Variants in ADPRHL1 observed in about 807,000 individuals in gnomAD.
The protein encoded by ADPRHL1 is ADP-ribosylhydrolase like 1, also known as inactive ADP-ribosyltransferase ARH2.
A neutral mutation model predicts 44.1 loss-of-function variants in ADPRHL1; 43 were observed. The observed-to-expected ratio is 0.98, with a 90% confidence interval of 0.76 to 1.26. ADPRHL1 has a LOEUF of 1.26. Ranked by LOEUF, ADPRHL1 falls within the 50% of genes most tolerant of loss-of-function variation. The probability of loss-of-function intolerance (pLI) is 0.00; values close to 1 mark genes in which losing one functional copy is unlikely to be tolerated. For synonymous variants in ADPRHL1, 878 were observed against 1,017.4 expected (o/e 0.86, Z 2.61); for missense variants, 2,022 against 2,496.9 (o/e 0.81, Z 4.05).
chr13:113,442,224 G>A (rs2044104386), intron 2 of ADPRHL1, among the ~76,000 whole-genome samples: 1 of 152,244 alleles, frequency 6.6e-6, no homozygotes, highest in Non-Finnish European at 1.5e-5. Context: ...GGAGGCTAAG[G>A]CAGAAGGGTT....
At chr13:113,418,994 CCCT>C (rs2043900226) in intron 7 of ADPRHL1, among the ~76,000 whole-genome samples, 1 of 139,328 alleles carries the variant, frequency 7.2e-6, no homozygotes, top group African/African-American at 2.8e-5. Context: ...CTCCCTCCCT[CCCT>C]CCCTTCCTCC....
rs2043799636 is a variant in ADPRHL1, at chr13:113,405,329, G to A, written c.3953C>T (p.Pro1318Leu). The change falls in exon 8 of 8, where the codon CCT (proline) becomes CTT (leucine). Residue 1318 changes from proline (P) to leucine (L), a missense_variant. Around this residue, in one of 8 missense-constraint regions of ADPRHL1, gnomAD observed 1,221 missense variants for 1,517.8 expected, o/e 0.80. Coordinates refer to ENST00000612156, the MANE Select transcript of ADPRHL1 (RefSeq NM_001394807.1). ...AEPDHLLPAVPPAEVDMGWVG... is the reference protein window; with the variant it reads ...AEPDHLLPAVLPAEVDMGWVG... The stretch of plus-strand genomic sequence containing the variant: ...CCACCCCATGTCCACCTCCGCGGGA[G>A]GCACTGCGGGAAGCAGATGGTCAGG... 5.7e-6 allele frequency: 7 copies of A among 1,231,716 alleles called. No homozygotes were observed. The highest frequency in any genetic ancestry group is 5.1e-6 in the Non-Finnish European group (5 of 988,068). 76.3% of individuals were successfully genotyped at this position (1,231,716 alleles called of 1,614,324 possible).
At chr13:113,429,182 G>A (rs1226732232) in intron 3 of ADPRHL1, 90 bp from the exon 4 acceptor site, 7 of 1,507,028 alleles carry the variant, frequency 4.6e-6, no homozygotes, top group South Asian at 1.2e-5. Flanking sequence ...GGACTCCCGA[G>A]GAAGGGTTTG....
rs917696392 is a variant in ADPRHL1, at chr13:113,401,231, C to T, written c.*2147G>A. On this transcript the variant is annotated 3_prime_UTR_variant, in exon 8 of 8. Transcript: ENST00000612156. This position sits in a 1 kb window ranked among gnomAD's most constrained non-coding sequence, Gnocchi z 5.5. ...GACAAAGAGGCCACTCTGTCAGCCT[C>T]TGCTGGACCCCTGAGCTCCCCTCTC... 2.0e-5 allele frequency: 3 copies of T among 152,238 alleles called. No homozygotes were observed. The highest frequency in any genetic ancestry group is 7.2e-5 in the African/African-American group (3 of 41,460). 9.4% of individuals were successfully genotyped at this position (152,238 alleles called of 1,614,324 possible).
intron 7 of ADPRHL1, among the ~76,000 whole-genome samples, chr13:113,417,622 T>C (rs1403299502): frequency 1.3e-5 from 2 of 152,244 alleles, no homozygotes; most frequent in African/African-American, 4.8e-5. Flanking sequence ...GCTCGGGGTG[T>C]GGCACACGAA....
Position 113,400,338 on chromosome 13 carries a change from G to T in ADPRHL1, c.*3040C>A, listed in dbSNP as rs1214271813. 6 of 151,424 alleles carry T rather than the reference G, an allele frequency of 4.0e-5. No individual in the cohort carries two copies. The allele number at this position is 151,424 out of a possible 1,614,324, so 9.4% of individuals were successfully genotyped here. ...TTTTTGTATTTTTAGTAGAGACAGGGTTTCACTGTGTTAGCCAGGATGGTC... is the reference window on the plus strand; with the variant it reads ...TTTTTGTATTTTTAGTAGAGACAGGTTTTCACTGTGTTAGCCAGGATGGTC... On this transcript the variant is annotated 3_prime_UTR_variant, in exon 8 of 8. Coordinates refer to ENST00000612156, the MANE Select transcript of ADPRHL1 (RefSeq NM_001394807.1).
intron 3 of ADPRHL1, among the ~76,000 whole-genome samples, chr13:113,429,413 C>T (rs1012545206): frequency 2.6e-5 from 4 of 152,252 alleles, no homozygotes; most frequent in East Asian, 1.9e-4. Context: ...CTCGTGGGAC[C>T]GCACGCGATT....
intron 2 of ADPRHL1, among the ~76,000 whole-genome samples, chr13:113,442,854 C>T (rs550574154): frequency 3.1e-4 from 47 of 152,278 alleles, no homozygotes; most frequent in Non-Finnish European, 6.2e-4. Context: ...GCCCGCGGGT[C>T]GCTGGTCCTC....
intron 4 of ADPRHL1, among the ~76,000 whole-genome samples, chr13:113,428,055 C>A (rs1377072477): frequency 6.6e-6 from 1 of 152,116 alleles, no homozygotes; most frequent in Non-Finnish European, 1.5e-5. Flanking sequence ...GAAGTCAGGG[C>A]GACCTGGTGA....
Position 113,409,293 on chromosome 13 carries a change from C to T in ADPRHL1, c.1062-1073G>A, listed in dbSNP as rs1006118891. ...CCCCATCTGTGGCAGGGGGTGGAGC[C>T]GTCTCTGACCTCCCCAGATGATAAT... On this transcript the variant is annotated intron_variant, in intron 7 of 7. Coordinates refer to ENST00000612156, the MANE Select transcript of ADPRHL1 (RefSeq NM_001394807.1). This position sits in a 1 kb window ranked among gnomAD's most constrained non-coding sequence, Gnocchi z 4.2. 7 of 985,256 alleles carry T rather than the reference C, an allele frequency of 7.1e-6. No individual in the cohort carries two copies. Among genetic ancestry groups the T allele is most frequent in the Admixed American group, 6.1e-5 (1 of 16,266 alleles). 61.0% of individuals were successfully genotyped at this position (985,256 alleles called of 1,614,324 possible). A position where few individuals can be genotyped will look rare whatever the true frequency, so the allele number is the denominator to read the frequency against.
At chr13:113,429,205 C>A in intron 3 of ADPRHL1, 113 bp from the exon 4 acceptor site, 1 of 1,402,874 alleles carries the variant, frequency 7.1e-7, no homozygotes, top group Non-Finnish European at 9.7e-7. Flanking sequence ...CGTTTTCCGT[C>A]TTTCCCATGT....
At chr13:113,442,596 T>C (rs2044106888) in intron 2 of ADPRHL1, among the ~76,000 whole-genome samples, 1 of 152,256 alleles carries the variant, frequency 6.6e-6, no homozygotes, top group African/African-American at 2.4e-5. Flanking sequence ...CTGTGTGTGA[T>C]GTGTGTCTTT....
At chr13:113,424,755 CCTGCCCTT>C (rs2043953489) in intron 5 of ADPRHL1, among the ~76,000 whole-genome samples, 1 of 2,354 alleles carries the variant, frequency 4.2e-4, no homozygotes, top group Non-Finnish European at 7.7e-4. Flanking sequence ...CTTCTACCTA[CCTGCCCTT>C]CCATCCACCT....
intron 3 of ADPRHL1, among the ~76,000 whole-genome samples, 154 bp from the exon 4 acceptor site, chr13:113,429,246 G>A (rs750378316): frequency 1.1e-4 from 16 of 152,196 alleles, no homozygotes; most frequent in Admixed American, 4.6e-4. Context: ...CATTAACCAC[G>A]TTCACACTGT....
At position 113,403,374 on chromosome 13, in the gene ADPRHL1, G is replaced by T; in HGVS notation, c.*4C>A. On this transcript the variant is annotated 3_prime_UTR_variant, in exon 8 of 8. Transcript: ENST00000612156. ...TGGGCGAGCCACGGTGTGTACTCGG[G>T]GCCTCACTTTGGGAGCTCAGACGTG... 1.6e-6 allele frequency: 2 copies of T among 1,232,040 alleles called. No homozygotes were observed. The highest frequency in any genetic ancestry group is 4.1e-5 in the South Asian group (1 of 24,300). 76.3% of individuals were successfully genotyped at this position (1,232,040 alleles called of 1,614,324 possible). A position where few individuals can be genotyped will look rare whatever the true frequency, so the allele number is the denominator to read the frequency against.
chr13:113,434,333 C>T (rs2044030726), intron 2 of ADPRHL1, among the ~76,000 whole-genome samples: 1 of 151,384 alleles, frequency 6.6e-6, no homozygotes, highest in Admixed American at 6.6e-5. Context: ...ATAGGTGTAC[C>T]CCGTGACCCA....
chr13:113,437,841 TG>T (rs1276967384), intron 2 of ADPRHL1, among the ~76,000 whole-genome samples: 3 of 152,178 alleles, frequency 2.0e-5, no homozygotes, highest in African/African-American at 7.2e-5. Flanking sequence ...TTAACTTTTT[TG>T]TTTGTTTGAG....
chr13:113,442,177 C>T (rs1218616179), intron 2 of ADPRHL1, among the ~76,000 whole-genome samples: 1 of 152,140 alleles, frequency 6.6e-6, no homozygotes, highest in Non-Finnish European at 1.5e-5. Context: ...TCTAACAGGC[C>T]AGGCATGGTG....
At chr13:113,414,686 T>G (rs564719588) in intron 7 of ADPRHL1, among the ~76,000 whole-genome samples, 2 of 151,486 alleles carry the variant, frequency 1.3e-5, no homozygotes, top group African/African-American at 4.8e-5. Flanking sequence ...TCTGTTTTTT[T>G]TTTTTTTTAG....
Sources: gnomAD v4.1 joint callset for allele counts (sites outside exome capture counted in the v4.1 genomes callset) on GRCh38, gnomAD v4.1.1 for gene constraint, gnomAD v4.1.1 regional missense constraint, Gnocchi (gnomAD v3.1) non-coding constraint, MANE v1.5 for transcripts, NCBI Gene and HGNC (gene_info 2026-07-23, HGNC 2026-07-21) for gene names.